Variants in DAB1 observed in about 807,000 individuals in gnomAD.
The protein encoded by DAB1 is disabled homolog 1.
DAB1 carries 15 observed loss-of-function variants against 64.6 expected under a neutral mutation model. That is an observed-to-expected ratio of 0.23 (90% CI 0.16 to 0.36). The LOEUF is 0.36. Ranked by LOEUF, DAB1 falls within the 10% of genes least tolerant of loss-of-function variation. The pLI is 1.00. For synonymous variants in DAB1, 235 were observed against 251.9 expected, an observed-to-expected ratio of 0.93 and a Z score of 0.64; for missense variants, 596 against 706.7, an observed-to-expected ratio of 0.84 and a Z score of 1.78.
chr1:57,646,928 G>A (rs1646198667), intron 7 of DAB1, among the ~76,000 whole-genome samples: 1 of 152,172 alleles, frequency 6.6e-6, no homozygotes, highest in South Asian at 2.1e-4. Context: ...CTGAGGTCCA[G>A]CTCAAGTAGC....
At chr1:58,267,181 C>G (rs1197184096) in intron 4 of DAB1, among the ~76,000 whole-genome samples, 15 of 152,102 alleles carry the variant, frequency 9.9e-5, no homozygotes, top group Admixed American at 2.0e-4. Context: ...GATCACGCCA[C>G]TGCACTCCAG....
At chr1:57,774,892 T>C (rs575952071) in intron 6 of DAB1, among the ~76,000 whole-genome samples, 7 of 151,866 alleles carry the variant, frequency 4.6e-5, no homozygotes, top group African/African-American at 1.7e-4. Flanking sequence ...AGGCCATCTG[T>C]GTCTGAAGTT....
intron 5 of DAB1, among the ~76,000 whole-genome samples, chr1:58,017,342 C>G (rs1570232343): frequency 6.6e-6 from 1 of 152,008 alleles, no homozygotes; most frequent in African/African-American, 2.4e-5. Context: ...CAGTTAGGAC[C>G]ACCACCTGTG....
intron 3 of DAB1, among the ~76,000 whole-genome samples, chr1:58,474,673 G>C (rs150479488): frequency 6.6e-6 from 1 of 152,300 alleles, no homozygotes; most frequent in Non-Finnish European, 1.5e-5. Flanking sequence ...AAGTTTCAGG[G>C]ACTATGGAGC....
At chr1:58,049,664 C>T (rs1168858938) in intron 5 of DAB1, among the ~76,000 whole-genome samples, 6 of 152,070 alleles carry the variant, frequency 3.9e-5, no homozygotes, top group Non-Finnish European at 5.9e-5. Context: ...TGCTATATGA[C>T]CTTGAGTTTG....
At chr1:58,166,914 T>C (rs1655871069) in intron 4 of DAB1, among the ~76,000 whole-genome samples, 1 of 151,914 alleles carries the variant, frequency 6.6e-6, no homozygotes, top group African/African-American at 2.4e-5. Context: ...GGCTGGCTAA[T>C]TTTTGTGCTT....
intron 1 of DAB1, among the ~76,000 whole-genome samples, chr1:57,405,749 G>A (rs139050605): frequency 3.9e-5 from 6 of 152,272 alleles, no homozygotes; most frequent in African/African-American, 7.2e-5. Flanking sequence ...ATCTGAGCTT[G>A]TAGTTCTTAT....
At chr1:57,299,659 T>C (rs764236796) in intron 1 of DAB1, among the ~76,000 whole-genome samples, 26 of 151,318 alleles carry the variant, frequency 1.7e-4, no homozygotes, top group Admixed American at 3.9e-4. Flanking sequence ...TTTTCAATAC[T>C]TGGGACCCCA....
chr1:57,504,250 G>A (rs554757197), intron 7 of DAB1, among the ~76,000 whole-genome samples: 3 of 152,070 alleles, frequency 2.0e-5, no homozygotes, highest in Non-Finnish European at 2.9e-5. Flanking sequence ...TTCAATAAAG[G>A]GAACCAGGAT....
chr1:57,038,872 A>G (rs1343265521), intron 9 of DAB1, among the ~76,000 whole-genome samples: 1 of 152,180 alleles, frequency 6.6e-6, no homozygotes, highest in Non-Finnish European at 1.5e-5. Flanking sequence ...CACCTTATTA[A>G]GACATTGCAA....
At chr1:57,258,820 T>C (rs929917325) in intron 2 of DAB1, among the ~76,000 whole-genome samples, 6 of 151,968 alleles carry the variant, frequency 3.9e-5, no homozygotes, top group Non-Finnish European at 8.8e-5. Flanking sequence ...GGTAGCAATA[T>C]GTCAGCATGA....
rs964356920 is a variant in DAB1 at position 58,117,903 on chromosome 1, G to C, written n.387+32608C>G. Among the ~76,000 whole-genome samples, 3 of 148,914 alleles carry C rather than the reference G, an allele frequency of 2.0e-5. 1 individual carries two copies. The highest frequency in any genetic ancestry group is 6.7e-5 in the Admixed American group (1 of 14,840). On this transcript the variant is annotated intron_variant and non_coding_transcript_variant, in intron 5 of 20. Coordinates refer to the DAB1 transcript ENST00000485760. ...TGGGCCAGGTGGGGGTACAGACATT[G>C]CTCTTTCTTGGGGCGGGGGACAAGA...
At chr1:57,996,167 G>A (rs1343430490) in intron 5 of DAB1, among the ~76,000 whole-genome samples, 2 of 152,130 alleles carry the variant, frequency 1.3e-5, no homozygotes, top group African/African-American at 4.8e-5. Context: ...GCTGAGGCAG[G>A]AGAATCTCTG....
chr1:58,012,707 G>A (rs923045347), intron 5 of DAB1, among the ~76,000 whole-genome samples: 5 of 152,148 alleles, frequency 3.3e-5, no homozygotes, highest in African/African-American at 9.7e-5. Context: ...ATAACCATCT[G>A]CAAACTAGGA....
chr1:57,963,436 C>T (rs967557354), intron 5 of DAB1, among the ~76,000 whole-genome samples: 2 of 152,170 alleles, frequency 1.3e-5, no homozygotes, highest in African/African-American at 2.4e-5. Flanking sequence ...TTACCAATCA[C>T]GGTGCACCGT....
At chr1:57,899,978 C>T (rs915552679) in intron 5 of DAB1, among the ~76,000 whole-genome samples, 1 of 151,454 alleles carries the variant, frequency 6.6e-6, no homozygotes, top group African/African-American at 2.4e-5. Context: ...CTCACTTTGC[C>T]ACTCAGGCTG....
intron 3 of DAB1, among the ~76,000 whole-genome samples, chr1:58,344,218 A>C (rs1351122325): frequency 2.0e-5 from 3 of 152,162 alleles, no homozygotes; most frequent in Non-Finnish European, 4.4e-5. Flanking sequence ...GATTGCACTA[A>C]TTAATGTTAT....
chr1:58,532,416 C>G (rs1432701402), intron 1 of DAB1, among the ~76,000 whole-genome samples: 3 of 152,112 alleles, frequency 2.0e-5, no homozygotes, highest in Non-Finnish European at 4.4e-5. Context: ...GCTAAAATGG[C>G]CAAAACTGAT....
chr1:57,447,206 G>GA (rs1395592384), intron 7 of DAB1, among the ~76,000 whole-genome samples: 1 of 152,198 alleles, frequency 6.6e-6, no homozygotes, highest in Non-Finnish European at 1.5e-5. Context: ...TCCTCAAAGA[G>GA]ACACATTTGG....
Sources: allele counts gnomAD v4.1 joint callset (sites outside exome capture counted in the v4.1 genomes callset), GRCh38; gene constraint gnomAD v4.1.1; transcripts MANE v1.5; gene names NCBI Gene and HGNC (gene_info 2026-07-23, HGNC 2026-07-21).